Variants in AKNA observed in about 807,000 individuals in gnomAD.
The protein encoded by AKNA is AT-hook transcription factor, also known as microtubule organization protein AKNA.
In AKNA, 67 loss-of-function variants were observed where a neutral mutation model predicts 138.8. That is an observed-to-expected ratio of 0.48 (90% CI 0.40 to 0.59). AKNA has a LOEUF of 0.59. AKNA is among the 20% of genes least tolerant of loss of function. The pLI, the probability that AKNA is intolerant of heterozygous loss-of-function variation, is 0.00. For synonymous variants in AKNA, 737 were observed against 754.4 expected (o/e 0.98, Z 0.38); for missense variants, 1,813 against 1,880.4 (o/e 0.96, Z 0.66).
chr9:114,398,241 T>A (rs1484302148), upstream of AKNA, among the ~76,000 whole-genome samples: 2 of 152,114 alleles, frequency 1.3e-5, no homozygotes, highest in Non-Finnish European at 2.9e-5. The surrounding 1 kb of genome is among the most constrained non-coding windows in gnomAD (Gnocchi z 4.2). Context: ...TCCCTCCCAT[T>A]CCCGGAGCGG....
At chr9:114,386,461 G>C (rs1424703242) in intron 1 of AKNA, among the ~76,000 whole-genome samples, 1 of 152,214 alleles carries the variant, frequency 6.6e-6, no homozygotes, top group Non-Finnish European at 1.5e-5. Context: ...GTCCCTGCAT[G>C]CCAGATAAAG....
intron 3 of AKNA, 29 bp downstream of exon 3, chr9:114,376,437 A>G: frequency 6.2e-7 from 1 of 1,611,210 alleles, no homozygotes; most frequent in Non-Finnish European, 8.5e-7. Flanking sequence ...GGCCTTGGTG[A>G]CACATCCACA....
At chr9:114,359,182 C>T (rs1305740419) in intron 11 of AKNA, 1 of 186,680 alleles carries the variant, frequency 5.4e-6, no homozygotes, top group Non-Finnish European at 1.1e-5. Flanking sequence ...GATTCACCTG[C>T]TTCAGCCTCC....
At position 114,366,697 on chromosome 9, in the gene AKNA, A is replaced by T. The variant is rs552699816; in HGVS notation, c.1728+846T>A. ...ATGGGAGGGGAGGGAAGAGGAGAGG[A>T]GGGGAGGGGAGGAGAGAAGAGAAGA... On this transcript the variant is annotated intron_variant, in intron 6 of 21. Transcript: ENST00000374088. Among the ~76,000 whole-genome samples, 597 of 118,704 alleles carry T rather than the reference A, an allele frequency of 5.0e-3. 5 individuals carry two copies. Among genetic ancestry groups the T allele is most frequent in the African/African-American group, 0.018 (572 of 31,332 alleles). The allele number at this position is 118,704 out of a possible 152,430, so 77.9% of individuals were successfully genotyped here.
chr9:114,362,339 C>A, intron 8 of AKNA, 67 bp downstream of exon 8: 1 of 1,526,974 alleles, frequency 6.5e-7, no homozygotes, highest in Admixed American at 2.2e-5. Context: ...TGCCTCCCTC[C>A]TGGAGACTGA....
chr9:114,398,025 C>T (rs1339232900), upstream of AKNA, among the ~76,000 whole-genome samples: 1 of 152,210 alleles, frequency 6.6e-6, no homozygotes, highest in East Asian at 1.9e-4. The surrounding 1 kb of genome is among the most constrained non-coding windows in gnomAD (Gnocchi z 4.2). Context: ...GCCACGCCTC[C>T]AGCCCAAACA....
At chr9:114,331,662 C>T (rs776199908), downstream of AKNA, 2 of 1,613,554 alleles carry the variant, frequency 1.2e-6, no homozygotes, top group East Asian at 2.2e-5. Flanking sequence ...GAACTGGGGG[C>T]TGTCTTTCTA....
chr9:114,343,914 G>GTC, intron 18 of AKNA, 111 bp from the exon 19 acceptor site: 2 of 938,642 alleles, frequency 2.1e-6, no homozygotes, highest in Non-Finnish European at 1.6e-6. Flanking sequence ...AATAGTCTCT[G>GTC]TCTCTCTCTC....
chr9:114,396,844 T>C (rs1834549355), upstream of AKNA: 1 of 152,128 alleles, frequency 6.6e-6, no homozygotes, highest in South Asian at 2.1e-4. Context: ...TGAGGAAACA[T>C]AAAAAGGACC....
At position 114,386,063 on chromosome 9, in the gene AKNA, A is replaced by G. The variant is rs148467994; in HGVS notation, c.-114+1797T>C. 3.9e-4 allele frequency among the ~76,000 whole-genome samples: 59 copies of G among 152,060 alleles called. No individual in the cohort carries two copies. The East Asian group carries it at 0.011, about 29-fold the overall frequency. ...CAAAGAGCTTTGAAGTCCCTGATTG[A>G]CTCAGCTTCTAAGGGCAACAGCCTC... On this transcript the variant is annotated intron_variant, in intron 1 of 21. Transcript: ENST00000374088.
rs763500995 is a variant in AKNA at position 114,341,660 on chromosome 9, G to A, written c.3940C>T (p.Gln1314Ter). ...GGTGGGCGTGGCGACGACCCCGCCT[G>A]CTTGCTCCTCTGCTTGGGGCTGGGA... Reference protein sequence around the residue: ...STPSPKQRSKQAGSSPRPPPG... With the variant: ...STPSPKQRSK The change falls in exon 21 of 22, where the codon CAG (glutamine) becomes TAG (stop). Residue 1314 changes from glutamine to a stop codon, truncating the protein, a stop_gained. Coordinates refer to ENST00000374088, the MANE Select transcript of AKNA (RefSeq NM_001317950.2). LOFTEE classifies it high-confidence loss of function. The A allele has an allele frequency of 6.2e-6, 10 of 1,608,782 alleles. No homozygotes were observed. Among genetic ancestry groups the A allele is most frequent in the Non-Finnish European group, 8.5e-6 (10 of 1,178,138 alleles).
chr9:114,394,220 T>C (rs1359151407), intron 1 of AKNA: 1 of 152,194 alleles, frequency 6.6e-6, no homozygotes, highest in Non-Finnish European at 1.5e-5. Context: ...GTAGTAGAAT[T>C]ATAGGCAAGT....
At chr9:114,381,655 G>GTTT (rs1160552279) in intron 1 of AKNA, among the ~76,000 whole-genome samples, 31,274 of 82,918 alleles carry the variant, frequency 0.38, 7,931 homozygotes, top group Middle Eastern at 0.56. Flanking sequence ...TCTCTCCAGG[G>GTTT]TTTTTTTTTT....
Position 114,360,072 on chromosome 9 carries a change from G to GA in AKNA, c.2125-11dup, listed in dbSNP as rs1831830164. 1 of 1,613,996 alleles carries GA rather than the reference G, an allele frequency of 6.2e-7. No individual in the cohort carries two copies. Among genetic ancestry groups the GA allele is most frequent in the Admixed American group, 1.7e-5 (1 of 60,014 alleles). Reference sequence around the variant, plus strand: ...CAGTGGTGGTAGCAGGCTGGGGTCAGAAAGATGGACAGACAGAGATTCAGC... The same window carrying GA: ...CAGTGGTGGTAGCAGGCTGGGGTCAGAAAAGATGGACAGACAGAGATTCAGC... On this transcript the variant is annotated splice_polypyrimidine_tract_variant and intron_variant, in intron 9 of 21. Coordinates refer to ENST00000374088, the MANE Select transcript of AKNA (RefSeq NM_001317950.2).
intron 2 of AKNA, among the ~76,000 whole-genome samples, chr9:114,380,812 A>G (rs1312322585): frequency 5.6e-5 from 5 of 89,392 alleles, no homozygotes; most frequent in African/African-American, 2.4e-4. Context: ...CGTCTCTACT[A>G]AAAAAAGAAA....
intron 1 of AKNA, among the ~76,000 whole-genome samples, chr9:114,393,912 C>G (rs1048258963): frequency 6.6e-6 from 1 of 152,150 alleles, no homozygotes; most frequent in African/African-American, 2.4e-5. Flanking sequence ...GTGGCTCACA[C>G]CTGTAATCCC....
rs900982791 is a variant in AKNA at position 114,367,768 on chromosome 9, C to T, written c.1574-71G>A. ...CAGGAGCTGAAGGACTGAGGCTGAACGTCAAAGCCACCACCTCCATCATCA... is the reference window on the plus strand; with the variant it reads ...CAGGAGCTGAAGGACTGAGGCTGAATGTCAAAGCCACCACCTCCATCATCA... On this transcript the variant is annotated intron_variant, in intron 5 of 21. Transcript: ENST00000374088. 1.5e-5 allele frequency: 22 copies of T among 1,474,048 alleles called. No homozygotes were observed. In the South Asian group the frequency reaches 2.2e-4, roughly 15 times the overall value. The allele number at this position is 1,474,048 out of a possible 1,614,324, so 91.3% of individuals were successfully genotyped here.
chr9:114,345,048 G>A (rs184356294), intron 18 of AKNA: 50 of 146,782 alleles, frequency 3.4e-4, no homozygotes, highest in African/African-American at 1.3e-3. Flanking sequence ...TCATGAAGGT[G>A]AGAACCATAT....
At chr9:114,352,876 G>A (rs1564626725) in intron 14 of AKNA, among the ~76,000 whole-genome samples, 1 of 151,396 alleles carries the variant, frequency 6.6e-6, no homozygotes, top group Non-Finnish European at 1.5e-5. Context: ...AGCAGAGAGT[G>A]CACCATTGCA....
Sources: gnomAD v4.1 joint callset for allele counts (sites outside exome capture counted in the v4.1 genomes callset) on GRCh38, gnomAD v4.1.1 for gene constraint, Gnocchi (gnomAD v3.1) non-coding constraint, MANE v1.5 for transcripts, NCBI Gene and HGNC (gene_info 2026-07-23, HGNC 2026-07-21) for gene names.